Variants in CTNNA3 observed in about 807,000 individuals in gnomAD.
The protein encoded by CTNNA3 is catenin alpha-3.
A neutral mutation model predicts 95.7 loss-of-function variants in CTNNA3; 76 were observed. That is an observed-to-expected ratio of 0.79 (90% CI 0.66 to 0.96). CTNNA3 has a LOEUF of 0.96. Ranked by LOEUF, CTNNA3 falls within the 40% of genes least tolerant of loss-of-function variation. The pLI is 0.00. For missense variants in CTNNA3, 1,191 were observed against 1,089.8 expected (o/e 1.09, Z -1.31); for synonymous variants, 431 against 374.4 (o/e 1.15, Z -1.74).
intron 9 of CTNNA3, among the ~76,000 whole-genome samples, chr10:66,623,658 C>T (rs1372143857): frequency 6.6e-6 from 1 of 152,002 alleles, no homozygotes; most frequent in Non-Finnish European, 1.5e-5. Flanking sequence ...GTATTCTATG[C>T]CTGCACATAC....
At chr10:67,655,841 T>A (rs1840008957) in intron 1 of CTNNA3, among the ~76,000 whole-genome samples, 1 of 151,038 alleles carries the variant, frequency 6.6e-6, no homozygotes, top group South Asian at 2.1e-4. Context: ...TAAGCCTCGC[T>A]CTCCCCCATC....
At chr10:66,188,850 G>C (rs1000846513) in intron 13 of CTNNA3, among the ~76,000 whole-genome samples, 1 of 151,866 alleles carries the variant, frequency 6.6e-6, no homozygotes, top group African/African-American at 2.4e-5. Context: ...CCCACCAAGA[G>C]TATATCAGGT....
Position 67,005,682 on chromosome 10 carries a change from C to CTTTTTTTTTTTTTTTTTTTT in CTNNA3, c.1047+174615_1047+174634dup. On this transcript the variant is annotated intron_variant, in intron 7 of 17. Transcript: ENST00000433211. ...AATGCTTTTGTTTATTTTACTCCATCTTTTTTTTTTTTTTTTTTTTTGAGA... is the reference window on the plus strand; with the variant it reads ...AATGCTTTTGTTTATTTTACTCCATCTTTTTTTTTTTTTTTTTTTTTTTTTTTTTTTTTTTTTTTTTGAGA... 6.4e-3 allele frequency among the ~76,000 whole-genome samples: 399 copies of CTTTTTTTTTTTTTTTTTTTT among 61,958 alleles called. 117 individuals carry two copies. The highest frequency in any genetic ancestry group is 0.017 in the Middle Eastern group (1 of 58). The allele number at this position is 61,958 out of a possible 152,430, so 40.6% of individuals were successfully genotyped here.
chr10:66,782,581 T>A (rs1010811274), intron 7 of CTNNA3, among the ~76,000 whole-genome samples: 1 of 152,198 alleles, frequency 6.6e-6, no homozygotes, highest in Non-Finnish European at 1.5e-5. Flanking sequence ...ACTTTTGTTA[T>A]CTTTTATTTA....
At position 67,539,786 on chromosome 10, in the gene CTNNA3, T is replaced by C. The variant is rs577345893; in HGVS notation, c.293-117A>G. 2.1e-5 allele frequency: 18 copies of C among 857,870 alleles called. No individual in the cohort carries two copies. In the South Asian group the frequency reaches 3.9e-4, roughly 18 times the overall value. 53.1% of individuals were successfully genotyped at this position (857,870 alleles called of 1,614,324 possible). On this transcript the variant is annotated intron_variant, in intron 3 of 17. Transcript: ENST00000433211. The stretch of plus-strand genomic sequence containing the variant: ...AAGACTAAGCATAATATAAAAATAT[T>C]GTCAGTTGACAATTTTCTCTCTCAA...
At chr10:66,644,312 A>C (rs200317357) in intron 9 of CTNNA3, among the ~76,000 whole-genome samples, 7,779 of 139,994 alleles carry the variant, frequency 0.056, 229 homozygotes, top group African/African-American at 0.088. Flanking sequence ...CTCTCTATAT[A>C]TATATATATA....
At chr10:66,369,229 G>T (rs1190276115) in intron 12 of CTNNA3, among the ~76,000 whole-genome samples, 2 of 152,092 alleles carry the variant, frequency 1.3e-5, no homozygotes, top group East Asian at 1.9e-4. Context: ...ATTACCATGA[G>T]CTAGAAATTT....
rs552975968 is a variant in CTNNA3 at position 66,892,773 on chromosome 10, A to T, written c.1048-117249T>A. On this transcript the variant is annotated intron_variant, in intron 7 of 17. Coordinates refer to ENST00000433211, the MANE Select transcript of CTNNA3 (RefSeq NM_013266.4). The stretch of plus-strand genomic sequence containing the variant: ...CGTTATGGAATAATTGTGAAATATG[A>T]TCAACTGATTTAAACACTACGAAAA... Among the ~76,000 whole-genome samples the T allele has an allele frequency of 2.6e-4, 39 of 152,268 alleles. No individual in the cohort carries two copies. The South Asian group carries it at 7.9e-3, about 31-fold the overall frequency.
chr10:67,275,299 T>C (rs1839145188), intron 5 of CTNNA3, among the ~76,000 whole-genome samples: 1 of 152,134 alleles, frequency 6.6e-6, no homozygotes, highest in Non-Finnish European at 1.5e-5. Context: ...ACATAAGTGG[T>C]GGAGCTCAGC....
intron 6 of CTNNA3, among the ~76,000 whole-genome samples, chr10:67,185,975 G>A (rs1049249381): frequency 1.4e-5 from 2 of 145,932 alleles, no homozygotes; most frequent in Non-Finnish European, 3.0e-5. Context: ...GCAGTGAGCC[G>A]AGATCACACC....
rs1172696238 is a variant in CTNNA3 at position 66,484,280 on chromosome 10, T to C, written c.1531+36337A>G. ...AAGAAGCAAACTACACTGCTAGACATTTTTTTTCAAAATGTTCAAACAATT... is the reference window on the plus strand; with the variant it reads ...AAGAAGCAAACTACACTGCTAGACACTTTTTTTCAAAATGTTCAAACAATT... On this transcript the variant is annotated intron_variant, in intron 11 of 17. Transcript: ENST00000433211. Among the ~76,000 whole-genome samples, 7 of 143,952 alleles carry C rather than the reference T, an allele frequency of 4.9e-5. No individual in the cohort carries two copies. In the East Asian group the frequency reaches 1.4e-3, roughly 30 times the overall value. The allele number at this position is 143,952 out of a possible 152,430, so 94.4% of individuals were successfully genotyped here.
intron 11 of CTNNA3, among the ~76,000 whole-genome samples, chr10:66,381,673 T>G (rs551866971): frequency 6.6e-6 from 1 of 152,192 alleles, no homozygotes; most frequent in African/African-American, 2.4e-5. Context: ...TTAACCCATA[T>G]TAAGGACATT....
intron 11 of CTNNA3, among the ~76,000 whole-genome samples, chr10:66,443,131 G>T (rs900409930): frequency 1.3e-5 from 2 of 152,158 alleles, no homozygotes. Flanking sequence ...CATTGCCCAG[G>T]CTTGATTAGG....
intron 14 of CTNNA3, among the ~76,000 whole-genome samples, chr10:66,101,294 T>G (rs2081619622): frequency 6.6e-6 from 1 of 152,146 alleles, no homozygotes; most frequent in South Asian, 2.1e-4. Flanking sequence ...AAATAATCTG[T>G]AAGAAATGGA....
chr10:67,210,445 T>G (rs1031973103), intron 6 of CTNNA3, among the ~76,000 whole-genome samples: 15 of 152,286 alleles, frequency 9.8e-5, no homozygotes, highest in East Asian at 5.8e-4. Flanking sequence ...AAGACACATG[T>G]TCCTAATGTC....
At chr10:67,607,411 A>G (rs1322950220) in intron 2 of CTNNA3, among the ~76,000 whole-genome samples, 2 of 152,194 alleles carry the variant, frequency 1.3e-5, no homozygotes, top group South Asian at 2.1e-4. Flanking sequence ...TAAATCAACA[A>G]GTAGAAATGG....
intron 15 of CTNNA3, among the ~76,000 whole-genome samples, chr10:66,050,121 T>C (rs4746544): frequency 0.53 from 80,213 of 151,728 alleles, 21,606 homozygotes; most frequent in South Asian, 0.59. Context: ...TAGCCTACCC[T>C]GAGAAGCTCT....
intron 7 of CTNNA3, among the ~76,000 whole-genome samples, chr10:66,781,697 T>C (rs1710309559): frequency 1.3e-5 from 2 of 152,176 alleles, no homozygotes; most frequent in Non-Finnish European, 2.9e-5. Flanking sequence ...TGAACTTTTG[T>C]ATTGTTTGGG....
intron 7 of CTNNA3, among the ~76,000 whole-genome samples, chr10:67,106,488 CAACT>C (rs1858639080): frequency 1.3e-5 from 2 of 152,182 alleles, no homozygotes; most frequent in Non-Finnish European, 2.9e-5. Flanking sequence ...GACAAAATAA[CAACT>C]AACACTTACT....
Sources: allele counts gnomAD v4.1 joint callset (sites outside exome capture counted in the v4.1 genomes callset), GRCh38; gene constraint gnomAD v4.1.1; transcripts MANE v1.5; gene names NCBI Gene and HGNC (gene_info 2026-07-23, HGNC 2026-07-21).